The following DNAH17 variants were observed in gnomAD, a reference collection of about 807,000 sequenced individuals.
The protein encoded by DNAH17 is dynein axonemal heavy chain 17, also known as axonemal beta dynein heavy chain 17.
Under a neutral mutation model 485.6 loss-of-function variants are expected in DNAH17, and 376 were observed. The ratio of observed to expected loss-of-function variants is 0.77; its 90% confidence interval spans 0.71 to 0.84. The LOEUF (loss-of-function observed/expected upper bound fraction) is 0.84. Ranked by LOEUF, DNAH17 falls within the 40% of genes least tolerant of loss-of-function variation. DNAH17 has a pLI of 0.00. For synonymous variants in DNAH17, 3,031 were observed against 2,405.9 expected, an observed-to-expected ratio of 1.26 and a Z score of -7.60; for missense variants, 6,370 against 5,839.3, an observed-to-expected ratio of 1.09 and a Z score of -2.96.
intron 25 of DNAH17, among the ~76,000 whole-genome samples, chr17:78,517,726 G>C (rs1240759966): frequency 6.6e-6 from 1 of 152,206 alleles, no homozygotes; most frequent in Non-Finnish European, 1.5e-5. Context: ...AAGCCTGCTG[G>C]CATTCTTTAA....
chr17:78,544,555 C>G (rs574436949), intron 16 of DNAH17, among the ~76,000 whole-genome samples: 72 of 152,144 alleles, frequency 4.7e-4, no homozygotes, highest in African/African-American at 1.7e-3. Flanking sequence ...GTAATCCCAG[C>G]ACTTTGGGAG....
chr17:78,525,596 G>A (rs529584801), intron 24 of DNAH17, among the ~76,000 whole-genome samples: 2 of 152,368 alleles, frequency 1.3e-5, no homozygotes, highest in South Asian at 2.1e-4. Context: ...GTTGGCCGTC[G>A]TAGCACCTGG....
In DNAH17 at chr17:78,460,348, G is replaced by GTGTGTGCA. The variant is rs1396031125; in HGVS notation, c.9340-99_9340-92dup. 34 of 988,736 alleles carry GTGTGTGCA rather than the reference G, an allele frequency of 3.4e-5. No individual in the cohort carries two copies. In the African/African-American group the frequency reaches 3.6e-4, roughly 11 times the overall value. 61.2% of individuals were successfully genotyped at this position (988,736 alleles called of 1,614,324 possible). ...TGCATGTGTGTGCATGTGTGTGCAT[G>GTGTGTGCA]TGTGTGCATGTATGCACGTGCATGA... On this transcript the variant is annotated intron_variant, in intron 58 of 80. Coordinates refer to ENST00000389840, the MANE Select transcript of DNAH17 (RefSeq NM_173628.4).
intron 51 of DNAH17, among the ~76,000 whole-genome samples, chr17:78,476,980 T>C (rs1028604714): frequency 1.3e-5 from 2 of 152,036 alleles, no homozygotes; most frequent in African/African-American, 4.8e-5. Flanking sequence ...TGGGGCCTCA[T>C]CCTCCAGAAG....
intron 25 of DNAH17, among the ~76,000 whole-genome samples, chr17:78,520,839 C>T (rs2090915890): frequency 6.6e-6 from 1 of 152,128 alleles, no homozygotes; most frequent in Admixed American, 6.5e-5. Context: ...ATAAAAACCC[C>T]AATAAGGTTT....
chr17:78,543,738 C>T, intron 17 of DNAH17, 119 bp downstream of exon 17: 2 of 1,488,936 alleles, frequency 1.3e-6, no homozygotes, highest in Non-Finnish European at 1.9e-6. Context: ...TCACAGACTT[C>T]TATGACTACA....
intron 48 of DNAH17, among the ~76,000 whole-genome samples, chr17:78,481,241 T>C (rs1460016913): frequency 6.6e-6 from 1 of 150,940 alleles, no homozygotes; most frequent in Non-Finnish European, 1.5e-5. Context: ...TAGCTGAGAC[T>C]ACAGGTGCCC....
chr17:78,429,201 C>T lies in DNAH17; in HGVS notation c.12325G>A (p.Glu4109Lys). ...TCCAGCATCTCCGTCCGGATGTATT[C>T]AGCCAGGTAGGTCCTGCACAGCCGA... ...DRRLCRTYLA[E>K]YIRTEMLEGD... is the part of the protein sequence containing the mutation. Residue 4109 changes from glutamate (E) to lysine (K), a missense_variant, in exon 76 of 81, where the codon GAA becomes AAA. Physicochemically the swap from Glu to Lys is moderately conservative, Grantham distance 56. Transcript: ENST00000389840. The T allele has an allele frequency of 6.2e-7, 1 of 1,613,872 alleles. No homozygotes were observed. Among genetic ancestry groups the T allele is most frequent in the South Asian group, 1.1e-5 (1 of 91,090 alleles).
Position 78,462,984 on chromosome 17 carries a change from A to G in DNAH17, c.9034T>C (p.Tyr3012His). 1 of 1,613,914 alleles carries G rather than the reference A, an allele frequency of 6.2e-7. No individual in the cohort carries two copies. Among genetic ancestry groups the G allele is most frequent in the South Asian group, 1.1e-5 (1 of 91,076 alleles). Residue 3012 changes from tyrosine to histidine, a missense_variant, in exon 57 of 81, where the codon TAC (tyrosine) becomes CAC (histidine). Coordinates refer to ENST00000389840, the MANE Select transcript of DNAH17 (RefSeq NM_173628.4). ...AAGGTTTTGGGTGTGGTGTAGTTGT[A>G]GCGCCTCTCAGTAGCCAGGTATACC... ...SRVYLATERR[Y>H]NYTTPKTFLE...
rs1568025596 is a variant in DNAH17, at chr17:78,423,966, C to CTTCAAG, written c.13323_13328dup (p.Asn4441_Leu4442dup). 1.9e-6 allele frequency: 3 copies of CTTCAAG among 1,614,022 alleles called. No individual in the cohort carries two copies. Among genetic ancestry groups the CTTCAAG allele is most frequent in the Non-Finnish European group, 2.5e-6 (3 of 1,179,902 alleles). ...TCCACTTCGCTGCCTTCTCTTTGGT[C>CTTCAAG]TTCAAGTTAAAGGTCCAGACATAGG... is the stretch of plus-strand genomic sequence containing the variant. On this transcript the variant is annotated inframe_insertion, in exon 81 of 81. Transcript: ENST00000389840.
chr17:78,510,586 A>G, intron 26 of DNAH17, 80 bp from the exon 27 acceptor site: 1 of 1,570,262 alleles, frequency 6.4e-7, no homozygotes, highest in African/African-American at 1.3e-5. Flanking sequence ...TCCTTCATGG[A>G]GAGCCATTGC....
chr17:78,569,541 A>C lies in DNAH17; in HGVS notation c.1045-14T>G, dbSNP rs1012081190. On this transcript the variant is annotated splice_polypyrimidine_tract_variant and intron_variant, in intron 7 of 80. Coordinates refer to ENST00000389840, the MANE Select transcript of DNAH17 (RefSeq NM_173628.4). ...GAAGGTTCGTGTCTGGGCAAAAGAG[A>C]AGACAGACATCTAAAGCTCCGACAA... 11 of 1,597,108 alleles carry C rather than the reference A, an allele frequency of 6.9e-6. No homozygotes were observed. The highest frequency in any genetic ancestry group is 2.3e-5 in the East Asian group (1 of 44,328).
At chr17:78,484,293 A>C (rs2089486764) in intron 48 of DNAH17, among the ~76,000 whole-genome samples, 1 of 151,698 alleles carries the variant, frequency 6.6e-6, no homozygotes, top group Non-Finnish European at 1.5e-5. Context: ...TCCTTGCCAC[A>C]CCGGCCTTCC....
At chr17:78,515,640 G>T (rs2090760127) in intron 25 of DNAH17, among the ~76,000 whole-genome samples, 1 of 152,196 alleles carries the variant, frequency 6.6e-6, no homozygotes, top group Non-Finnish European at 1.5e-5. Flanking sequence ...GCTTGTCTTG[G>T]CCAAGGAAAG....
At chr17:78,482,721 C>A (rs1264354559) in intron 48 of DNAH17, among the ~76,000 whole-genome samples, 1 of 152,182 alleles carries the variant, frequency 6.6e-6, no homozygotes, top group Non-Finnish European at 1.5e-5. Flanking sequence ...CACAGGTGAG[C>A]ATTTTCCTGA....
chr17:78,467,174 G>A (rs1049600930), intron 55 of DNAH17, among the ~76,000 whole-genome samples: 16 of 152,342 alleles, frequency 1.1e-4, no homozygotes, highest in African/African-American at 3.6e-4. Context: ...AAGGGTCCCC[G>A]CTGGGCCCTG....
At chr17:78,569,062 C>T in intron 9 of DNAH17, 104 bp downstream of exon 9, 3 of 907,812 alleles carry the variant, frequency 3.3e-6, no homozygotes, top group Non-Finnish European at 5.1e-6. Context: ...TATTTTCTGC[C>T]TGGGGGATTA....
At chr17:78,550,663 C>T (rs2091882693) in intron 16 of DNAH17, among the ~76,000 whole-genome samples, 1 of 152,130 alleles carries the variant, frequency 6.6e-6, no homozygotes, top group Non-Finnish European at 1.5e-5. Flanking sequence ...GGCCTTCCAG[C>T]CTCCAGAACT....
At chr17:78,550,625 G>A (rs747309212) in intron 16 of DNAH17, among the ~76,000 whole-genome samples, 1 of 152,138 alleles carries the variant, frequency 6.6e-6, no homozygotes. Flanking sequence ...AGTCCTGGGG[G>A]AGCCAACCCT....
Sources: allele counts gnomAD v4.1 joint callset (sites outside exome capture counted in the v4.1 genomes callset), GRCh38; gene constraint gnomAD v4.1.1; transcripts MANE v1.5; gene names NCBI Gene and HGNC (gene_info 2026-07-23, HGNC 2026-07-21).